Variants in OR10J1 observed in about 807,000 individuals in gnomAD.
OR10J1 encodes olfactory receptor family 10 subfamily J member 1, also known as olfactory receptor 10J1.
For synonymous variants in OR10J1, 202 were observed against 143.8 expected (o/e 1.40, Z -2.89); for missense variants, 474 against 376.6 (o/e 1.26, Z -2.14).
chr1:159,408,950 A>G, the OR10J1 span, among the ~76,000 whole-genome samples: 3 of 152,164 alleles, frequency 2.0e-5, no homozygotes, highest in South Asian at 6.2e-4. Flanking sequence ...GAACTGCTAT[A>G]AGGAAGAAAG....
the OR10J1 span, among the ~76,000 whole-genome samples, chr1:159,418,075 G>T: frequency 6.6e-6 from 1 of 152,104 alleles, no homozygotes; most frequent in Non-Finnish European, 1.5e-5. Flanking sequence ...AGGTGACTTT[G>T]GTGCTGTTAA....
At chr1:159,410,619 A>G in the OR10J1 span, among the ~76,000 whole-genome samples, 15 of 151,232 alleles carry the variant, frequency 9.9e-5, no homozygotes. Flanking sequence ...CTAGCAGTCT[A>G]TCAATTTTGT....
chr1:159,438,902 T>A (rs974754333), upstream of OR10J1, among the ~76,000 whole-genome samples: 2 of 152,202 alleles, frequency 1.3e-5, no homozygotes, highest in African/African-American at 4.8e-5. Flanking sequence ...GGGTTTGCTT[T>A]TGCTTTAGGT....
the OR10J1 span, among the ~76,000 whole-genome samples, chr1:159,414,439 A>C: frequency 6.6e-6 from 1 of 152,132 alleles, no homozygotes; most frequent in Non-Finnish European, 1.5e-5. Flanking sequence ...TTTTATGGTC[A>C]AACAGTATTC....
chr1:159,438,687 C>T (rs1004383070), upstream of OR10J1, among the ~76,000 whole-genome samples: 10 of 152,190 alleles, frequency 6.6e-5, no homozygotes, highest in African/African-American at 1.2e-4. Context: ...AGTCTCCGTG[C>T]GTACTAACCT....
chr1:159,404,334 T>G, the OR10J1 span, among the ~76,000 whole-genome samples: 3 of 152,058 alleles, frequency 2.0e-5, no homozygotes, highest in African/African-American at 7.2e-5. Flanking sequence ...TTTTAGACAA[T>G]CCAGGAATGA....
chr1:159,435,568 G>C (rs1272342992), upstream of OR10J1, among the ~76,000 whole-genome samples: 1 of 152,154 alleles, frequency 6.6e-6, no homozygotes, highest in Non-Finnish European at 1.5e-5. Flanking sequence ...TTCATACACA[G>C]ACAGTTTGGA....
chr1:159,421,652 G>A, the OR10J1 span, among the ~76,000 whole-genome samples: 5 of 152,116 alleles, frequency 3.3e-5, no homozygotes, highest in Non-Finnish European at 5.9e-5. Flanking sequence ...GACTTATTTA[G>A]CTGTACAATG....
chr1:159,404,765 G>A, the OR10J1 span, among the ~76,000 whole-genome samples: 5 of 152,066 alleles, frequency 3.3e-5, no homozygotes, highest in Admixed American at 6.6e-5. Flanking sequence ...GTCTAGTTTC[G>A]TGTGCCTGGG....
At chr1:159,430,702 C>T in the OR10J1 span, among the ~76,000 whole-genome samples, 1 of 140,914 alleles carries the variant, frequency 7.1e-6, no homozygotes, top group Non-Finnish European at 1.6e-5. Flanking sequence ...GCCAAGCATA[C>T]AAATGGAACC....
chr1:159,411,742 T>G, the OR10J1 span, among the ~76,000 whole-genome samples: 1 of 152,160 alleles, frequency 6.6e-6, no homozygotes, highest in Non-Finnish European at 1.5e-5. Context: ...CCTGTCATTG[T>G]GATGTTAGCT....
At chr1:159,422,154 G>T in the OR10J1 span, among the ~76,000 whole-genome samples, 5 of 152,158 alleles carry the variant, frequency 3.3e-5, no homozygotes, top group Non-Finnish European at 7.3e-5. Context: ...GCTGGGCTGG[G>T]TGATTTCCAG....
At chr1:159,418,661 C>G in the OR10J1 span, among the ~76,000 whole-genome samples, 1 of 152,160 alleles carries the variant, frequency 6.6e-6, no homozygotes, top group Non-Finnish European at 1.5e-5. Flanking sequence ...AGCCCCCACA[C>G]AAAGTCCTTA....
At position 159,440,475 on chromosome 1, in the gene OR10J1, T is replaced by C. The variant is rs1655907575; in HGVS notation, c.684T>C (p.Ala228=). ...VLIISTILKI[A]SVEGRKKAFA... The stretch of plus-strand genomic sequence containing the variant: ...TTATCTCTACAATCCTCAAGATTGC[T>C]TCAGTTGAGGGCCGGAAGAAGGCTT... Residue 228 remains alanine (A), a synonymous_variant, in exon 1 of 1, where the codon GCT becomes GCC. Transcript: ENST00000423932. The C allele has an allele frequency of 1.2e-6, 2 of 1,614,004 alleles. No homozygotes were observed. Among genetic ancestry groups the C allele is most frequent in the African/African-American group, 2.7e-5 (2 of 74,910 alleles).
chr1:159,410,408 C>A, the OR10J1 span, among the ~76,000 whole-genome samples: 4 of 152,136 alleles, frequency 2.6e-5, no homozygotes, highest in African/African-American at 9.7e-5. Context: ...GATTCAACTT[C>A]TTCCTGGTTT....
the OR10J1 span, among the ~76,000 whole-genome samples, chr1:159,427,172 A>G: frequency 1.3e-5 from 2 of 151,888 alleles, no homozygotes; most frequent in Non-Finnish European, 2.9e-5. Context: ...CAAAAAGACT[A>G]CAAAACTAAT....
At chr1:159,409,511 C>T in the OR10J1 span, among the ~76,000 whole-genome samples, 1 of 151,990 alleles carries the variant, frequency 6.6e-6, no homozygotes, top group Non-Finnish European at 1.5e-5. Context: ...TGAGACTTAC[C>T]TGCCTCTTCC....
chr1:159,401,156 GA>G, the OR10J1 span, among the ~76,000 whole-genome samples: 1 of 150,968 alleles, frequency 6.6e-6, no homozygotes, highest in Admixed American at 6.6e-5. Flanking sequence ...AAAAAAAAGA[GA>G]AAAAACTTCA....
chr1:159,418,456 C>T, the OR10J1 span, among the ~76,000 whole-genome samples: 2 of 152,168 alleles, frequency 1.3e-5, no homozygotes, highest in African/African-American at 4.8e-5. Flanking sequence ...GGTGCAATCC[C>T]CATACCTTGG....
Sources: allele counts gnomAD v4.1 joint callset (sites outside exome capture counted in the v4.1 genomes callset), GRCh38; gene constraint gnomAD v4.1.1; transcripts MANE v1.5; gene names NCBI Gene and HGNC (gene_info 2026-07-23, HGNC 2026-07-21).